Variants in PHF13 observed in about 807,000 individuals in gnomAD.
PHF13 encodes PHD finger protein 13.
Under a neutral mutation model 25.8 loss-of-function variants are expected in PHF13, and 1 was observed. That is an observed-to-expected ratio of 0.04 (90% CI 0.01 to 0.18). The LOEUF is 0.18. Among genes scored for constraint, PHF13 ranks in the 10% least tolerant of loss-of-function variants. The pLI is 1.00. For synonymous variants in PHF13, 195 were observed against 162.4 expected, an observed-to-expected ratio of 1.20 and a Z score of -1.53; for missense variants, 306 against 403.2, an observed-to-expected ratio of 0.76 and a Z score of 2.06.
rs551456018 is a variant in PHF13, at chr1:6,621,219, A to G, written c.677-192A>G. On this transcript the variant is annotated intron_variant, in intron 3 of 3. Coordinates refer to ENST00000377648, the MANE Select transcript of PHF13 (RefSeq NM_153812.3). The surrounding 1 kb of genome is among the most constrained non-coding windows in gnomAD (Gnocchi z 4.8). Reference sequence around the variant, plus strand: ...TCTTAGGGAAAAAAAAAAAAAAGTAAGCATCTCCTGGGTAATACCTGGTTC... The same window carrying G: ...TCTTAGGGAAAAAAAAAAAAAAGTAGGCATCTCCTGGGTAATACCTGGTTC... 1.6e-3 allele frequency among the ~76,000 whole-genome samples: 242 copies of G among 151,706 alleles called. No individual in the cohort carries two copies. Among genetic ancestry groups the G allele is most frequent in the African/African-American group, 5.2e-3 (216 of 41,390 alleles).
intron 1 of PHF13, 113 bp from the exon 2 acceptor site, chr1:6,616,644 C>T (rs1449895363): frequency 6.0e-6 from 5 of 827,844 alleles, no homozygotes; most frequent in African/African-American, 3.4e-5. Flanking sequence ...GTAAATCTAA[C>T]GGTATTTTTT....
intron 3 of PHF13, 80 bp downstream of exon 3, chr1:6,620,417 T>C: frequency 3.4e-6 from 5 of 1,472,924 alleles, no homozygotes; most frequent in Non-Finnish European, 4.6e-6. Context: ...GTCATCTCTC[T>C]GGGGCACAGG....
rs116347003 is a variant in PHF13 at position 6,623,350 on chromosome 1, C to G, written c.*1713C>G. The G allele has an allele frequency of 3.3e-5, 5 of 152,558 alleles. No homozygotes were observed. The highest frequency in any genetic ancestry group is 2.0e-4 in the Admixed American group (3 of 15,268). 9.5% of individuals were successfully genotyped at this position (152,558 alleles called of 1,614,324 possible). On this transcript the variant is annotated 3_prime_UTR_variant, in exon 4 of 4. Coordinates refer to ENST00000377648, the MANE Select transcript of PHF13 (RefSeq NM_153812.3). ...TGTGAAGATCCCCAAGGGGGAGGTTCGGTAGAGAAAAATAGTAAGCTGGTT... is the reference window on the plus strand; with the variant it reads ...TGTGAAGATCCCCAAGGGGGAGGTTGGGTAGAGAAAAATAGTAAGCTGGTT...
In PHF13 at chr1:6,615,055, C is replaced by T. The variant is rs1338896698; in HGVS notation, c.39+950C>T. Among the ~76,000 whole-genome samples, 6 of 134,316 alleles carry T rather than the reference C, an allele frequency of 4.5e-5. No individual in the cohort carries two copies. In the Admixed American group the frequency reaches 4.5e-4, roughly 10 times the overall value. The allele number at this position is 134,316 out of a possible 152,430, so 88.1% of individuals were successfully genotyped here. A position where few individuals can be genotyped will look rare whatever the true frequency, so the allele number is the denominator to read the frequency against. ...GGATGGGCCCCGCACCTTCGGGGGC[C>T]GAGTGTCGCGGGGGGCGGCTGCCGC... On this transcript the variant is annotated intron_variant, in intron 1 of 3. Transcript: ENST00000377648.
intron 1 of PHF13, among the ~76,000 whole-genome samples, chr1:6,615,130 C>CGGGGGGG (rs955671449): frequency 1.5e-5 from 1 of 67,078 alleles, no homozygotes; most frequent in South Asian, 5.1e-4. Context: ...AGGAGGCGGC[C>CGGGGGGG]GGGGGGGCGG....
rs1161881420 is a variant in PHF13, at chr1:6,622,053, C to T, written c.*416C>T. The T allele has an allele frequency of 2.3e-5, 6 of 255,918 alleles. No homozygotes were observed. Among genetic ancestry groups the T allele is most frequent in the South Asian group, 5.0e-5 (1 of 19,946 alleles). The allele number at this position is 255,918 out of a possible 1,614,324, so 15.9% of individuals were successfully genotyped here. On this transcript the variant is annotated 3_prime_UTR_variant, in exon 4 of 4. Coordinates refer to ENST00000377648, the MANE Select transcript of PHF13 (RefSeq NM_153812.3). Reference sequence around the variant, plus strand: ...CCCAGCCTGTTAATGAACAGCCATACGTGTAAGCTTTTTCTTGAGTGTTAA... The same window carrying T: ...CCCAGCCTGTTAATGAACAGCCATATGTGTAAGCTTTTTCTTGAGTGTTAA...
chr1:6,618,194 GCA>G (rs932037719), intron 2 of PHF13, among the ~76,000 whole-genome samples: 1 of 152,002 alleles, frequency 6.6e-6, no homozygotes, highest in Non-Finnish European at 1.5e-5. Context: ...GAGTGCAGTG[GCA>G]CAGTCTTGGC....
At chr1:6,620,911 AATTCCAGC>A (rs971207313) in intron 3 of PHF13, among the ~76,000 whole-genome samples, 2 of 152,028 alleles carry the variant, frequency 1.3e-5, no homozygotes, top group African/African-American at 2.4e-5. Flanking sequence ...GCGCGCCTGC[AATTCCAGC>A]TACTCAGGAG....
chr1:6,615,962 A>G (rs1641254723), intron 1 of PHF13, among the ~76,000 whole-genome samples: 2 of 150,082 alleles, frequency 1.3e-5, no homozygotes, highest in South Asian at 2.1e-4. Context: ...CTAGCTTGGC[A>G]GGGTCAGCCA....
chr1:6,615,704 C>T (rs926244232), intron 1 of PHF13, among the ~76,000 whole-genome samples: 1 of 152,178 alleles, frequency 6.6e-6, no homozygotes, highest in Non-Finnish European at 1.5e-5. Flanking sequence ...TGCTTAGGAG[C>T]AAATAAGAGC....
intron 2 of PHF13, among the ~76,000 whole-genome samples, chr1:6,617,243 C>T (rs1391422828): frequency 3.9e-5 from 6 of 152,014 alleles, no homozygotes; most frequent in Admixed American, 2.0e-4. Context: ...TGCGCCACCA[C>T]GCTAATTCTT....
In PHF13 at chr1:6,621,259, G is replaced by A; in HGVS notation, c.677-152G>A. On this transcript the variant is annotated intron_variant, in intron 3 of 3. Transcript: ENST00000377648. The surrounding 1 kb of genome is among the most constrained non-coding windows in gnomAD (Gnocchi z 4.8). Reference sequence around the variant, plus strand: ...ATACCTGGTTCCCACACATTTTGGAGCCCCTCGTGCCTTTTCAGAGAGAAG... The same window carrying A: ...ATACCTGGTTCCCACACATTTTGGAACCCCTCGTGCCTTTTCAGAGAGAAG... The A allele has an allele frequency of 2.7e-6, 2 of 753,508 alleles. No individual in the cohort carries two copies. The highest frequency in any genetic ancestry group is 2.2e-6 in the Non-Finnish European group (1 of 459,812). The allele number at this position is 753,508 out of a possible 1,614,324, so 46.7% of individuals were successfully genotyped here.
chr1:6,621,678 C>T lies in PHF13; in HGVS notation c.*41C>T, dbSNP rs74656483. 1,578 of 1,594,988 alleles carry T rather than the reference C, an allele frequency of 9.9e-4. 15 individuals are homozygous for T. In the African/African-American group the frequency reaches 0.016, roughly 16 times the overall value. On this transcript the variant is annotated 3_prime_UTR_variant, in exon 4 of 4. Coordinates refer to ENST00000377648, the MANE Select transcript of PHF13 (RefSeq NM_153812.3). This position sits in a 1 kb window ranked among gnomAD's most constrained non-coding sequence, Gnocchi z 4.8. ...GAGGCTGCGAGCGTGGAATCGGAAG[C>T]GACCGCGGGCTTTTTTGCCCTTCTC...
chr1:6,614,144 C>G (rs781072505), intron 1 of PHF13, 39 bp downstream of exon 1: 1 of 1,590,138 alleles, frequency 6.3e-7, no homozygotes, highest in Non-Finnish European at 8.6e-7. Flanking sequence ...CCCGACCACC[C>G]CCTCCGCGAT....
intron 2 of PHF13, among the ~76,000 whole-genome samples, chr1:6,617,399 C>CA (rs1461385364): frequency 6.7e-6 from 1 of 148,932 alleles, no homozygotes; most frequent in Non-Finnish European, 1.5e-5. Context: ...AGTAAACTTT[C>CA]AGTTTATTTA....
rs1349869762 is a variant in PHF13 at position 6,621,250 on chromosome 1, C to T, written c.677-161C>T. On this transcript the variant is annotated intron_variant, in intron 3 of 3. Coordinates refer to ENST00000377648, the MANE Select transcript of PHF13 (RefSeq NM_153812.3). This position sits in a 1 kb window ranked among gnomAD's most constrained non-coding sequence, Gnocchi z 4.8. Reference sequence around the variant, plus strand: ...TCCTGGGTAATACCTGGTTCCCACACATTTTGGAGCCCCTCGTGCCTTTTC... The same window carrying T: ...TCCTGGGTAATACCTGGTTCCCACATATTTTGGAGCCCCTCGTGCCTTTTC... 6.6e-6 allele frequency among the ~76,000 whole-genome samples: 1 copy of T among 151,718 alleles called. No individual in the cohort carries two copies. The highest frequency in any genetic ancestry group is 3.2e-3 in the Middle Eastern group (1 of 316).
chr1:6,615,244 G>A (rs906000157), intron 1 of PHF13, among the ~76,000 whole-genome samples: 4 of 152,030 alleles, frequency 2.6e-5, no homozygotes, highest in Non-Finnish European at 5.9e-5. Flanking sequence ...CTTGGCATTC[G>A]GGTTTTTGAC....
At chr1:6,620,646 G>T (rs1338948827) in intron 3 of PHF13, among the ~76,000 whole-genome samples, 1 of 152,200 alleles carries the variant, frequency 6.6e-6, no homozygotes, top group Non-Finnish European at 1.5e-5. Flanking sequence ...GGCACTTTGG[G>T]AGGCCAAGGC....
At position 6,614,075 on chromosome 1, in the gene PHF13, T is replaced by A. The variant is rs1185038898; in HGVS notation, c.9T>A (p.Ser3=). Residue 3 remains serine, a synonymous_variant, in exon 1 of 4, where the codon TCT becomes TCA. Coordinates refer to ENST00000377648, the MANE Select transcript of PHF13 (RefSeq NM_153812.3). Reference sequence around the variant, plus strand: ...CGCCCCCCGCCCGGAACATGGACTCTGACTCTTGCGCCGCCGCCTTCCACC... The same window carrying A: ...CGCCCCCCGCCCGGAACATGGACTCAGACTCTTGCGCCGCCGCCTTCCACC... The part of the protein sequence containing the change: MD[S]DSCAAAFHPE... The A allele has an allele frequency of 1.9e-6, 3 of 1,588,336 alleles. No individual in the cohort carries two copies. The highest frequency in any genetic ancestry group is 2.6e-6 in the Non-Finnish European group (3 of 1,169,074).
Sources: allele counts gnomAD v4.1 joint callset (sites outside exome capture counted in the v4.1 genomes callset), GRCh38; gene constraint gnomAD v4.1.1; non-coding constraint Gnocchi (gnomAD v3.1); transcripts MANE v1.5; gene names NCBI Gene and HGNC (gene_info 2026-07-23, HGNC 2026-07-21).